SDK1: variants seen among roughly 807,000 people sequenced by gnomAD.
SDK1 encodes protein sidekick-1.
SDK1 carries 157 observed loss-of-function variants against 245.5 expected under a neutral mutation model. The observed-to-expected ratio is 0.64, with a 90% CI of 0.56 to 0.73. SDK1 has a LOEUF of 0.73. Ranked by LOEUF, SDK1 falls within the 30% of genes least tolerant of loss-of-function variation. The pLI is 0.00. For synonymous variants in SDK1, 1,647 were observed against 1,278.5 expected, an observed-to-expected ratio of 1.29 and a Z score of -6.15; for missense variants, 3,583 against 3,002.3, an observed-to-expected ratio of 1.19 and a Z score of -4.52.
intron 14 of SDK1, among the ~76,000 whole-genome samples, chr7:3,987,949 T>A (rs956392852): frequency 5.9e-5 from 9 of 151,976 alleles, no homozygotes; most frequent in African/African-American, 2.2e-4. Context: ...TGGAATCTCT[T>A]CCTGGGAAAT....
At chr7:3,434,357 G>A (rs1779957623) in intron 1 of SDK1, among the ~76,000 whole-genome samples, 1 of 152,176 alleles carries the variant, frequency 6.6e-6, no homozygotes, top group African/African-American at 2.4e-5. Context: ...ATATGAGGTG[G>A]ACTTTTTACT....
intron 1 of SDK1, among the ~76,000 whole-genome samples, chr7:3,412,956 G>A (rs1054855215): frequency 1.3e-5 from 2 of 152,182 alleles, no homozygotes; most frequent in Non-Finnish European, 2.9e-5. Context: ...GGAGCAAGGT[G>A]TTACTTCTCT....
chr7:3,455,044 C>G (rs1014256302), intron 1 of SDK1, among the ~76,000 whole-genome samples: 1 of 151,660 alleles, frequency 6.6e-6, no homozygotes, highest in African/African-American at 2.4e-5. Flanking sequence ...GCAGTGATAT[C>G]TTGTGGCTTT....
rs374981625 is a variant in SDK1, at chr7:3,746,420, C to A, written c.714-75030C>A. ...AAATAAGACAACAGTGAAGTTTGCCCCATCAATTGATGTCTTCCTTTCACA... is the reference window on the plus strand; with the variant it reads ...AAATAAGACAACAGTGAAGTTTGCCACATCAATTGATGTCTTCCTTTCACA... On this transcript the variant is annotated intron_variant, in intron 4 of 44. Coordinates refer to ENST00000404826, the MANE Select transcript of SDK1 (RefSeq NM_152744.4). 2.6e-3 allele frequency among the ~76,000 whole-genome samples: 401 copies of A among 152,172 alleles called. 1 individual carries two copies. The highest frequency in any genetic ancestry group is 9.3e-3 in the African/African-American group (384 of 41,486).
intron 16 of SDK1, among the ~76,000 whole-genome samples, chr7:4,015,054 G>A (rs576969514): frequency 1.3e-5 from 2 of 152,302 alleles, no homozygotes; most frequent in South Asian, 2.1e-4. Flanking sequence ...CTCGGTAGAA[G>A]AGCAGTGTTT....
chr7:3,348,340 G>A (rs180705571), intron 1 of SDK1, among the ~76,000 whole-genome samples: 16 of 152,276 alleles, frequency 1.1e-4, no homozygotes, highest in African/African-American at 2.6e-4. Flanking sequence ...TGCAGTAAAT[G>A]TGAGCCATTC....
chr7:3,468,961 A>T lies in SDK1; in HGVS notation c.299-150119A>T, dbSNP rs116899015. ...CTACAACTTTTAACACAATTTAGGT[A>T]TTTCCCTAATTGCTGAAGTTACCAT... On this transcript the variant is annotated intron_variant, in intron 1 of 44. Transcript: ENST00000404826. Among the ~76,000 whole-genome samples the T allele has an allele frequency of 9.7e-3, 1,484 of 152,242 alleles. 17 individuals are homozygous for T. The highest frequency in any genetic ancestry group is 0.021 in the African/African-American group (859 of 41,536).
intron 4 of SDK1, among the ~76,000 whole-genome samples, chr7:3,645,959 A>G (rs1444704654): frequency 1.3e-5 from 2 of 152,070 alleles, no homozygotes; most frequent in Non-Finnish European, 2.9e-5. Flanking sequence ...CCCGAGGTCA[A>G]GCGATGTTCC....
intron 13 of SDK1, among the ~76,000 whole-genome samples, chr7:3,980,780 A>G (rs113781934): frequency 0.021 from 3,186 of 152,232 alleles, 100 homozygotes; most frequent in African/African-American, 0.074. Context: ...TGTCTCTACT[A>G]AAAATACAAA....
intron 1 of SDK1, among the ~76,000 whole-genome samples, chr7:3,326,111 T>C (rs950478672): frequency 6.6e-6 from 1 of 152,178 alleles, no homozygotes; most frequent in Non-Finnish European, 1.5e-5. Context: ...AGCCTCCTAA[T>C]GGCTTAGTGT....
At chr7:3,357,004 G>A (rs986662422) in intron 1 of SDK1, among the ~76,000 whole-genome samples, 2 of 140,956 alleles carry the variant, frequency 1.4e-5, no homozygotes, top group Non-Finnish European at 3.0e-5. Flanking sequence ...GCAGTGAGCC[G>A]AGATAGTGCC....
intron 17 of SDK1, among the ~76,000 whole-genome samples, chr7:4,021,724 T>G (rs1289797311): frequency 6.6e-6 from 1 of 152,224 alleles, no homozygotes; most frequent in Non-Finnish European, 1.5e-5. Flanking sequence ...TTCCATTTGC[T>G]GCTGACTCTG....
intron 1 of SDK1, among the ~76,000 whole-genome samples, chr7:3,481,560 A>T (rs1781523937): frequency 6.6e-6 from 1 of 152,218 alleles, no homozygotes; most frequent in African/African-American, 2.4e-5. Flanking sequence ...GCAAAGAATT[A>T]GGTCCAGGTA....
intron 4 of SDK1, among the ~76,000 whole-genome samples, chr7:3,771,972 T>C (rs1780418010): frequency 6.6e-6 from 1 of 152,218 alleles, no homozygotes; most frequent in Non-Finnish European, 1.5e-5. Context: ...TATGAGTTTG[T>C]CTACTCCGTG....
chr7:3,607,682 G>A (rs749749400), intron 1 of SDK1, among the ~76,000 whole-genome samples: 15 of 152,112 alleles, frequency 9.9e-5, no homozygotes, highest in Non-Finnish European at 2.1e-4. Context: ...CATTTAAGAC[G>A]GTGGCCTGAT....
chr7:4,011,214 C>A, intron 15 of SDK1, 101 bp downstream of exon 15: 1 of 1,424,916 alleles, frequency 7.0e-7, no homozygotes, highest in Non-Finnish European at 9.5e-7. Context: ...CAGCAACCCG[C>A]TGGCTTCCCT....
intron 1 of SDK1, among the ~76,000 whole-genome samples, chr7:3,366,966 T>C (rs1424684086): frequency 6.6e-6 from 1 of 152,002 alleles, no homozygotes; most frequent in Non-Finnish European, 1.5e-5. Context: ...GGTCTCGATC[T>C]CCTGACCTCG....
chr7:3,834,529 C>T (rs1471371625), intron 5 of SDK1, among the ~76,000 whole-genome samples: 1 of 152,166 alleles, frequency 6.6e-6, no homozygotes, highest in Non-Finnish European at 1.5e-5. Context: ...GAGGGATGCA[C>T]CAGCAGTGAG....
chr7:3,837,651 T>G (rs940021843), intron 5 of SDK1, among the ~76,000 whole-genome samples: 2 of 152,146 alleles, frequency 1.3e-5, no homozygotes, highest in Non-Finnish European at 2.9e-5. Context: ...CTGGAAGCAT[T>G]TGAGGTATGA....
Sources: gnomAD v4.1 joint callset for allele counts (sites outside exome capture counted in the v4.1 genomes callset) on GRCh38, gnomAD v4.1.1 for gene constraint, MANE v1.5 for transcripts, NCBI Gene and HGNC (gene_info 2026-07-23, HGNC 2026-07-21) for gene names.